The following TRIM2 variants were observed in gnomAD, a reference collection of about 807,000 sequenced individuals.
TRIM2 encodes the protein tripartite motif-containing protein 2.
In TRIM2, 20 loss-of-function variants were observed where a neutral mutation model predicts 75.2. That is an observed-to-expected ratio of 0.27 (90% CI 0.19 to 0.39). The LOEUF (loss-of-function observed/expected upper bound fraction) is 0.39. TRIM2 is among the 10% of genes least tolerant of loss of function. The pLI is 1.00. For missense variants in TRIM2, 660 were observed against 990.8 expected, an observed-to-expected ratio of 0.67 and a Z score of 4.48; for synonymous variants, 373 against 388.3, an observed-to-expected ratio of 0.96 and a Z score of 0.46.
At chr4:153,159,125 G>A (rs1729503429) in intron 1 of TRIM2, among the ~76,000 whole-genome samples, 1 of 152,058 alleles carries the variant, frequency 6.6e-6, no homozygotes, top group Non-Finnish European at 1.5e-5. Context: ...TCTGTGATGA[G>A]TATTTTTTTC....
At chr4:153,210,756 T>C (rs868710384) in intron 1 of TRIM2, among the ~76,000 whole-genome samples, 1 of 152,230 alleles carries the variant, frequency 6.6e-6, no homozygotes, top group Admixed American at 6.5e-5. Flanking sequence ...CTGGACACTC[T>C]GTGTGTTCTG....
chr4:153,227,227 AC>A (rs1282637983), intron 1 of TRIM2, among the ~76,000 whole-genome samples: 2 of 152,220 alleles, frequency 1.3e-5, no homozygotes, highest in African/African-American at 4.8e-5. Context: ...TTTCAGCATT[AC>A]CTGGATGAAG....
Position 153,337,111 on chromosome 4 carries a change from T to A in TRIM2, c.*2145T>A, listed in dbSNP as rs1239513951. 1.0e-6 allele frequency: 1 copy of A among 985,314 alleles called. No individual in the cohort carries two copies. The highest frequency in any genetic ancestry group is 1.2e-6 in the Non-Finnish European group (1 of 829,930). 61.0% of individuals were successfully genotyped at this position (985,314 alleles called of 1,614,324 possible). ...AATTTCATTTTGCCACGTACTAACG[T>A]TCTGCACAAAAGACAGGCTAGACTC... is the stretch of plus-strand genomic sequence containing the variant. On this transcript the variant is annotated 3_prime_UTR_variant, in exon 12 of 12. Coordinates refer to ENST00000338700, the MANE Select transcript of TRIM2 (RefSeq NM_015271.5).
In TRIM2 at chr4:153,279,116, A is replaced by G. The variant is rs76558837; in HGVS notation, c.453+2986A>G. On this transcript the variant is annotated intron_variant, in intron 3 of 11. Transcript: ENST00000338700. Reference sequence around the variant, plus strand: ...GCAGACACTAAAGGCTGGGAAACCAATTATGAGTTTACTGAATTGTCCAAA... The same window carrying G: ...GCAGACACTAAAGGCTGGGAAACCAGTTATGAGTTTACTGAATTGTCCAAA... 2.3e-3 allele frequency among the ~76,000 whole-genome samples: 353 copies of G among 152,356 alleles called. 1 individual carries two copies. Among genetic ancestry groups the G allele is most frequent in the African/African-American group, 7.5e-3 (312 of 41,586 alleles).
At chr4:153,266,484 A>G (rs1211818766) in intron 1 of TRIM2, among the ~76,000 whole-genome samples, 1 of 151,744 alleles carries the variant, frequency 6.6e-6, no homozygotes, top group Non-Finnish European at 1.5e-5. Flanking sequence ...CTGGGACTAC[A>G]GGTGCGCACC....
At chr4:153,282,434 G>T (rs892867244) in intron 3 of TRIM2, among the ~76,000 whole-genome samples, 2 of 152,144 alleles carry the variant, frequency 1.3e-5, no homozygotes, top group African/African-American at 4.8e-5. Flanking sequence ...TTCAGGCTGG[G>T]CTTGGTGGCT....
At position 153,315,465 on chromosome 4, in the gene TRIM2, G is replaced by T. The variant is rs1767389443; in HGVS notation, c.1511-20G>T. ...TAACCCTTTAGTGCTTAATTTTTATGATTTTATCATTTATTTTAGGTACCA... is the reference window on the plus strand; with the variant it reads ...TAACCCTTTAGTGCTTAATTTTTATTATTTTATCATTTATTTTAGGTACCA... On this transcript the variant is annotated intron_variant, in intron 6 of 11. Coordinates refer to ENST00000338700, the MANE Select transcript of TRIM2 (RefSeq NM_015271.5). 1.9e-6 allele frequency: 3 copies of T among 1,575,574 alleles called. No homozygotes were observed. The highest frequency in any genetic ancestry group is 2.6e-6 in the Non-Finnish European group (3 of 1,160,810).
At chr4:153,277,083 G>C (rs1238095890) in intron 3 of TRIM2, among the ~76,000 whole-genome samples, 1 of 152,130 alleles carries the variant, frequency 6.6e-6, no homozygotes, top group East Asian at 1.9e-4. Context: ...TTAGAGCAAA[G>C]CAATTCTTAT....
intron 1 of TRIM2, among the ~76,000 whole-genome samples, chr4:153,180,272 G>A (rs144948735): frequency 1.7e-3 from 266 of 152,238 alleles, no homozygotes; most frequent in African/African-American, 5.9e-3. Flanking sequence ...CTTTTGTGAT[G>A]CTCATGGCAC....
At chr4:153,242,980 G>T (rs926839107) in intron 1 of TRIM2, among the ~76,000 whole-genome samples, 2 of 152,236 alleles carry the variant, frequency 1.3e-5, no homozygotes, top group Admixed American at 1.3e-4. Context: ...GAGCATGTTG[G>T]CAGGGGCCCC....
At chr4:153,164,474 T>C (rs1033301608) in intron 1 of TRIM2, among the ~76,000 whole-genome samples, 2 of 152,220 alleles carry the variant, frequency 1.3e-5, no homozygotes, top group African/African-American at 4.8e-5. Flanking sequence ...CTAAAAATTG[T>C]CTTCTTTCTG....
intron 1 of TRIM2, among the ~76,000 whole-genome samples, chr4:153,177,281 A>G (rs761141065): frequency 1.3e-5 from 2 of 152,244 alleles, no homozygotes; most frequent in Admixed American, 6.5e-5. Context: ...ATTGGCAAAA[A>G]TATAGTCTCA....
chr4:153,159,128 T>C (rs1311376552), intron 1 of TRIM2, among the ~76,000 whole-genome samples: 2 of 152,126 alleles, frequency 1.3e-5, no homozygotes, highest in African/African-American at 4.8e-5. Flanking sequence ...GTGATGAGTA[T>C]TTTTTTCAGG....
In TRIM2 at chr4:153,185,802, A is replaced by C. The variant is rs185269039; in HGVS notation, c.-49+32532A>C. On this transcript the variant is annotated intron_variant, in intron 1 of 11. Coordinates refer to the TRIM2 transcript ENST00000437508. ...ATGAGGAGCACTGAGAAACCAGAAG[A>C]TGGTTTCATGATTCCTGGGGGCCAG... Among the ~76,000 whole-genome samples the C allele has an allele frequency of 1.5e-4, 23 of 152,230 alleles. No homozygotes were observed. In the East Asian group the frequency reaches 3.9e-3, roughly 26 times the overall value.
chr4:153,225,309 C>A (rs933377265), intron 1 of TRIM2, among the ~76,000 whole-genome samples: 1 of 152,168 alleles, frequency 6.6e-6, no homozygotes, highest in Non-Finnish European at 1.5e-5. Context: ...GGGTCAGCAC[C>A]TGGCAAATGC....
intron 10 of TRIM2, among the ~76,000 whole-genome samples, 161 bp from the exon 11 acceptor site, chr4:153,328,369 G>C (rs1031606446): frequency 2.6e-5 from 4 of 152,170 alleles, no homozygotes; most frequent in African/African-American, 9.7e-5. Context: ...GAACCACAAT[G>C]ATATGCAGTC....
chr4:153,306,273 T>C (rs1008228675), intron 6 of TRIM2, among the ~76,000 whole-genome samples: 4 of 152,224 alleles, frequency 2.6e-5, no homozygotes, highest in Non-Finnish European at 5.9e-5. Flanking sequence ...ATACCACATA[T>C]GGTGAGGATT....
At position 153,295,747 on chromosome 4, in the gene TRIM2, G is replaced by A; in HGVS notation, c.1221G>A (p.Glu407=). The A allele has an allele frequency of 1.9e-6, 3 of 1,614,090 alleles. No homozygotes were observed. The highest frequency in any genetic ancestry group is 2.5e-6 in the Non-Finnish European group (3 of 1,180,006). Residue 407 remains glutamate, a synonymous_variant, in exon 6 of 12, where the codon GAG becomes GAA. Transcript: ENST00000338700. This position sits in a 1 kb window ranked among gnomAD's most constrained non-coding sequence, Gnocchi z 7.2. ...STPDGSVADG[E]ILDNKNGTYE... ...CCGACGGGAGCGTGGCAGACGGGGA[G>A]ATCCTGGACAACAAGAACGGCACCT...
intron 1 of TRIM2, among the ~76,000 whole-genome samples, chr4:153,260,164 C>A (rs1753037095): frequency 6.6e-6 from 1 of 152,018 alleles, no homozygotes; most frequent in African/African-American, 2.4e-5. Context: ...TTCTTCCAAC[C>A]CCTAGAATTG....
Sources: gnomAD v4.1 joint callset for allele counts (sites outside exome capture counted in the v4.1 genomes callset) on GRCh38, gnomAD v4.1.1 for gene constraint, Gnocchi (gnomAD v3.1) non-coding constraint, MANE v1.5 for transcripts, NCBI Gene and HGNC (gene_info 2026-07-23, HGNC 2026-07-21) for gene names.